CACNA2D3: variants seen among roughly 807,000 people sequenced by gnomAD.
CACNA2D3 encodes the protein calcium voltage-gated channel auxiliary subunit alpha2delta 3.
Under a neutral mutation model 160.6 loss-of-function variants are expected in CACNA2D3, and 60 were observed. The observed-to-expected ratio is 0.37, with a 90% CI of 0.30 to 0.46. CACNA2D3 has a LOEUF of 0.46. Ranked by LOEUF, CACNA2D3 falls within the 20% of genes least tolerant of loss-of-function variation. The pLI, the probability that CACNA2D3 is intolerant of heterozygous loss-of-function variation, is 1.00. For missense variants in CACNA2D3, 1,205 were observed against 1,365.0 expected (o/e 0.88, Z 1.85); for synonymous variants, 558 against 492.9 (o/e 1.13, Z -1.75).
chr3:54,766,513 T>C (rs1205224945), intron 13 of CACNA2D3, among the ~76,000 whole-genome samples: 1 of 152,194 alleles, frequency 6.6e-6, no homozygotes, highest in Admixed American at 6.5e-5. Flanking sequence ...TATTCATTGA[T>C]TGTGGGAATG....
At chr3:54,372,848 T>C (rs542577272) in intron 3 of CACNA2D3, among the ~76,000 whole-genome samples, 2 of 152,302 alleles carry the variant, frequency 1.3e-5, no homozygotes, top group South Asian at 4.1e-4. Context: ...AAATTTAAAA[T>C]GCTAAGTTTG....
At chr3:54,122,946 C>T (rs2107239580) in intron 1 of CACNA2D3, 111 bp downstream of exon 1, 1 of 1,021,800 alleles carries the variant, frequency 9.8e-7, no homozygotes, top group Non-Finnish European at 1.2e-6. Context: ...CCGCGGGCGT[C>T]GGCCTCGCCG....
At chr3:54,341,640 A>G (rs1277230480) in intron 3 of CACNA2D3, among the ~76,000 whole-genome samples, 1 of 152,172 alleles carries the variant, frequency 6.6e-6, no homozygotes, top group Non-Finnish European at 1.5e-5. Flanking sequence ...CAAAACCCTG[A>G]GAGGTTGCCA....
At chr3:54,311,010 G>C (rs1487810692) in intron 2 of CACNA2D3, among the ~76,000 whole-genome samples, 1 of 152,198 alleles carries the variant, frequency 6.6e-6, no homozygotes, top group Non-Finnish European at 1.5e-5. Flanking sequence ...GCTGGTGTTA[G>C]GACCGCTTGC....
chr3:54,837,406 G>T (rs1698716959), intron 15 of CACNA2D3, among the ~76,000 whole-genome samples, 176 bp downstream of exon 15: 1 of 152,076 alleles, frequency 6.6e-6, no homozygotes, highest in African/African-American at 2.4e-5. Context: ...AGGAACCCAG[G>T]CTGGCATCAT....
intron 2 of CACNA2D3, among the ~76,000 whole-genome samples, chr3:54,155,321 C>A (rs954594480): frequency 2.0e-4 from 31 of 152,324 alleles, no homozygotes; most frequent in African/African-American, 7.5e-4. Flanking sequence ...CATCCTGAAT[C>A]TCCACTCAAG....
Position 54,245,761 on chromosome 3 carries a change from G to A in CACNA2D3, c.205-74681G>A, listed in dbSNP as rs142105868. Among the ~76,000 whole-genome samples the A allele has an allele frequency of 6.6e-3, 1,012 of 152,286 alleles. 8 individuals are homozygous for A. Among genetic ancestry groups the A allele is most frequent in the Non-Finnish European group, 0.011 (756 of 68,030 alleles). On this transcript the variant is annotated intron_variant, in intron 2 of 37. Coordinates refer to ENST00000474759, the MANE Select transcript of CACNA2D3 (RefSeq NM_018398.3). Reference sequence around the variant, plus strand: ...CATGAATACTGATTATGGAAAATAGGCTCATCTAAGTATTAAAAATTGTCA... The same window carrying A: ...CATGAATACTGATTATGGAAAATAGACTCATCTAAGTATTAAAAATTGTCA...
chr3:54,836,758 T>C (rs572629642), intron 14 of CACNA2D3, among the ~76,000 whole-genome samples: 1 of 152,336 alleles, frequency 6.6e-6, no homozygotes, highest in Non-Finnish European at 1.5e-5. Context: ...AGACCCTTTA[T>C]GTGCATGCTT....
intron 27 of CACNA2D3, among the ~76,000 whole-genome samples, chr3:54,933,855 A>G (rs1575388378): frequency 6.7e-6 from 1 of 149,038 alleles, no homozygotes; most frequent in Admixed American, 6.7e-5. Context: ...TGCAACCTCC[A>G]CCTCCCAGGT....
At chr3:54,476,055 T>TC (rs1700825209) in intron 4 of CACNA2D3, among the ~76,000 whole-genome samples, 1 of 150,668 alleles carries the variant, frequency 6.6e-6, no homozygotes. Context: ...GATTTTTTTT[T>TC]TTTTTTTTAG....
intron 35 of CACNA2D3, among the ~76,000 whole-genome samples, chr3:55,020,470 A>G (rs1412264427): frequency 6.7e-6 from 1 of 150,064 alleles, no homozygotes. Context: ...TGTATTACAT[A>G]CTTTATATGT....
intron 35 of CACNA2D3, among the ~76,000 whole-genome samples, chr3:55,034,758 A>C (rs1241963419): frequency 6.6e-6 from 1 of 152,148 alleles, no homozygotes; most frequent in Non-Finnish European, 1.5e-5. Context: ...TTCTTAAAAA[A>C]CTAACCACAC....
chr3:54,149,854 G>T (rs1700104951), intron 2 of CACNA2D3, among the ~76,000 whole-genome samples: 1 of 144,100 alleles, frequency 6.9e-6, no homozygotes, highest in Non-Finnish European at 1.5e-5. Context: ...TACTATTTTA[G>T]TAACAGAGAG....
At chr3:54,952,601 G>A (rs1212967245) in intron 27 of CACNA2D3, among the ~76,000 whole-genome samples, 1 of 152,212 alleles carries the variant, frequency 6.6e-6, no homozygotes, top group African/African-American at 2.4e-5. Flanking sequence ...AGTAATTTTA[G>A]GTGAGTCCCT....
In CACNA2D3 at chr3:54,881,876, G is replaced by T. The variant is rs536852496; in HGVS notation, c.1912+1013G>T. ...ACAGGGCGTGAGGAAGGAGATGGAT[G>T]TTCCCTGAGACGCCAAACCCCTAGA... On this transcript the variant is annotated intron_variant, in intron 21 of 37. Transcript: ENST00000474759. Among the ~76,000 whole-genome samples, 3 of 152,358 alleles carry T rather than the reference G, an allele frequency of 2.0e-5. No homozygotes were observed. The South Asian group carries it at 6.2e-4, about 32-fold the overall frequency.
At chr3:54,519,104 C>CATGCCACCTGCA (rs1244687443) in intron 5 of CACNA2D3, among the ~76,000 whole-genome samples, 3 of 152,224 alleles carry the variant, frequency 2.0e-5, no homozygotes, top group South Asian at 2.1e-4. Context: ...TGCCAACTGT[C>CATGCCACCTGCA]CTCAGTTGAC....
intron 26 of CACNA2D3, among the ~76,000 whole-genome samples, chr3:54,899,364 C>T (rs757371787): frequency 2.0e-4 from 31 of 152,270 alleles, no homozygotes; most frequent in South Asian, 6.2e-4. Flanking sequence ...TGAATCAGAG[C>T]TAAAGTTGCC....
rs138629902 is a variant in CACNA2D3, at chr3:54,692,864, T to C, written c.1167+50623T>C. On this transcript the variant is annotated intron_variant, in intron 11 of 37. Coordinates refer to ENST00000474759, the MANE Select transcript of CACNA2D3 (RefSeq NM_018398.3). The stretch of plus-strand genomic sequence containing the variant: ...TCTGTTCAACTCAAAAGTGGTAATC[T>C]ATCATCCTCTGCTGAGAATTTACCC... 1.6e-3 allele frequency among the ~76,000 whole-genome samples: 245 copies of C among 152,320 alleles called. 1 individual carries two copies. The highest frequency in any genetic ancestry group is 6.8e-3 in the Middle Eastern group (2 of 294).
chr3:54,807,029 C>A (rs1703146389), intron 13 of CACNA2D3, among the ~76,000 whole-genome samples: 1 of 152,152 alleles, frequency 6.6e-6, no homozygotes, highest in Admixed American at 6.5e-5. Context: ...GGATCCCTTC[C>A]TTACATCTTA....
Sources: gnomAD v4.1 joint callset for allele counts (sites outside exome capture counted in the v4.1 genomes callset) on GRCh38, gnomAD v4.1.1 for gene constraint, MANE v1.5 for transcripts, NCBI Gene and HGNC (gene_info 2026-07-23, HGNC 2026-07-21) for gene names.